PRDM16: variants seen among roughly 807,000 people sequenced by gnomAD.
PRDM16 encodes PR/SET domain 16.
PRDM16 carries 23 observed loss-of-function variants against 110.6 expected under a neutral mutation model. That is an observed-to-expected ratio of 0.21 (90% CI 0.15 to 0.29). The LOEUF (loss-of-function observed/expected upper bound fraction) is 0.29, where lower values mean the gene tolerates loss of function less well. Ranked by LOEUF, PRDM16 falls within the 10% of genes least tolerant of loss-of-function variation. The pLI is 1.00. For synonymous variants in PRDM16, 799 were observed against 781.8 expected, an observed-to-expected ratio of 1.02 and a Z score of -0.37; for missense variants, 1,615 against 1,794.3, an observed-to-expected ratio of 0.90 and a Z score of 1.81.
chr1:3,342,095 C>G (rs1642284409), intron 3 of PRDM16, among the ~76,000 whole-genome samples: 1 of 152,164 alleles, frequency 6.6e-6, no homozygotes, highest in Non-Finnish European at 1.5e-5. Context: ...GCTAGGGAAA[C>G]CCAGGGTGCA....
intron 1 of PRDM16, among the ~76,000 whole-genome samples, chr1:3,152,475 G>T (rs899536301): frequency 2.6e-5 from 4 of 152,036 alleles, no homozygotes; most frequent in African/African-American, 9.7e-5. Flanking sequence ...CTACTCTCTG[G>T]CTCCTGAATC....
intron 15 of PRDM16, 121 bp from the exon 16 acceptor site, chr1:3,431,845 T>C (rs982560748): frequency 3.2e-6 from 3 of 942,962 alleles, no homozygotes; most frequent in African/African-American, 3.3e-5. Flanking sequence ...TCCCTGTGCA[T>C]GTGGCTGGCA....
At chr1:3,110,323 G>A (rs1338144954) in intron 1 of PRDM16, among the ~76,000 whole-genome samples, 2 of 148,334 alleles carry the variant, frequency 1.3e-5, no homozygotes, top group Non-Finnish European at 3.0e-5. Context: ...TGGGTGTGGG[G>A]ACACAGTGCT....
chr1:3,320,125 G>A (rs1164016168), intron 3 of PRDM16, among the ~76,000 whole-genome samples: 5 of 152,132 alleles, frequency 3.3e-5, no homozygotes, highest in Non-Finnish European at 5.9e-5. Flanking sequence ...GTACACCTAC[G>A]CCTGCCCTCT....
Position 3,277,812 on chromosome 1 carries a change from C to T in PRDM16, c.438+33675C>T, listed in dbSNP as rs1378756090. On this transcript the variant is annotated intron_variant, in intron 3 of 16. Coordinates refer to ENST00000270722, the MANE Select transcript of PRDM16 (RefSeq NM_022114.4). ...GCACACACAAACGCACAGTTGTGAA[C>T]ACGAGCATATGCACATGCACACACG... 3.9e-5 allele frequency among the ~76,000 whole-genome samples: 6 copies of T among 152,364 alleles called. No homozygotes were observed. The East Asian group carries it at 7.7e-4, about 20-fold the overall frequency.
rs1283105889 is a variant in PRDM16 at position 3,414,542 on chromosome 1, C to T, written c.2604-18C>T. 6.2e-7 allele frequency: 1 copy of T among 1,604,534 alleles called. No homozygotes were observed. Among genetic ancestry groups the T allele is most frequent in the South Asian group, 1.1e-5 (1 of 90,518 alleles). ...GGGCGGCTCGGTGGGGTACGTAACCCTCTGTGCTGTTGTCCAGCAGGGTAG... is the reference window on the plus strand; with the variant it reads ...GGGCGGCTCGGTGGGGTACGTAACCTTCTGTGCTGTTGTCCAGCAGGGTAG... On this transcript the variant is annotated intron_variant, in intron 9 of 16. Coordinates refer to ENST00000270722, the MANE Select transcript of PRDM16 (RefSeq NM_022114.4).
rs537857254 is a variant in PRDM16, at chr1:3,290,976, G to A, written c.438+46839G>A. Among the ~76,000 whole-genome samples, 17 of 152,150 alleles carry A rather than the reference G, an allele frequency of 1.1e-4. No individual in the cohort carries two copies. Among genetic ancestry groups the A allele is most frequent in the African/African-American group, 3.6e-4 (15 of 41,510 alleles). On this transcript the variant is annotated intron_variant, in intron 3 of 16. Transcript: ENST00000270722. This position sits in a 1 kb window ranked among gnomAD's most constrained non-coding sequence, Gnocchi z 4.8. ...AACCTTCTTACGATGTGATAGGAGC[G>A]GCTTGGCCTCCTGACTCCAGGGGCC...
Position 3,245,078 on chromosome 1 carries a change from C to A in PRDM16, c.438+941C>A, listed in dbSNP as rs951033688. Among the ~76,000 whole-genome samples, 4 of 152,092 alleles carry A rather than the reference C, an allele frequency of 2.6e-5. No individual in the cohort carries two copies. The East Asian group carries it at 7.8e-4, about 30-fold the overall frequency. ...CAGCATCGCAGGGGGCGGGGTGGGG[C>A]GGGGTGCACCATGGGGGTTGCTGGC... On this transcript the variant is annotated intron_variant, in intron 3 of 16. Coordinates refer to ENST00000270722, the MANE Select transcript of PRDM16 (RefSeq NM_022114.4). The surrounding 1 kb of genome is among the most constrained non-coding windows in gnomAD (Gnocchi z 4.7).
At chr1:3,330,311 A>C (rs1282895233) in intron 3 of PRDM16, among the ~76,000 whole-genome samples, 1 of 152,250 alleles carries the variant, frequency 6.6e-6, no homozygotes, top group Non-Finnish European at 1.5e-5. Flanking sequence ...AGAAACTGAA[A>C]TTGGAAATTG....
intron 1 of PRDM16, among the ~76,000 whole-genome samples, chr1:3,072,164 G>T (rs973121045): frequency 2.0e-5 from 3 of 152,220 alleles, no homozygotes; most frequent in Admixed American, 2.0e-4. Context: ...TAGGGCCGGT[G>T]GGGTAGGGGC....
chr1:3,095,093 G>A (rs1642366451), intron 1 of PRDM16, among the ~76,000 whole-genome samples: 1 of 152,224 alleles, frequency 6.6e-6, no homozygotes, highest in African/African-American at 2.4e-5. Context: ...ACTGGCCCAG[G>A]CGAGCAGCCA....
chr1:3,293,867 G>A (rs1324643035), intron 3 of PRDM16, among the ~76,000 whole-genome samples: 2 of 152,194 alleles, frequency 1.3e-5, no homozygotes, highest in Non-Finnish European at 2.9e-5. Context: ...GCCCGGCCCC[G>A]GCAGGTGTCT....
At chr1:3,135,676 C>T (rs1356990834) in intron 1 of PRDM16, among the ~76,000 whole-genome samples, 4 of 152,242 alleles carry the variant, frequency 2.6e-5, no homozygotes, top group Admixed American at 1.3e-4. Flanking sequence ...AGCTTCCGGG[C>T]ACTGGCATTG....
intron 3 of PRDM16, among the ~76,000 whole-genome samples, chr1:3,328,135 GGGAACTAGCC>G (rs1641958469): frequency 6.6e-6 from 1 of 152,236 alleles, no homozygotes; most frequent in Non-Finnish European, 1.5e-5. Flanking sequence ...GGGCCAAGTG[GGGAACTAGCC>G]AGGCCTGCGA....
intron 1 of PRDM16, among the ~76,000 whole-genome samples, chr1:3,180,978 A>C (rs1013398488): frequency 1.5e-5 from 2 of 136,614 alleles, no homozygotes; most frequent in East Asian, 3.9e-4. Flanking sequence ...TCGGTCTTAC[A>C]CACGCAGTCT....
Position 3,069,792 on chromosome 1 carries a change from C to CT in PRDM16, c.37+499dup, listed in dbSNP as rs1305056505. Among the ~76,000 whole-genome samples the CT allele has an allele frequency of 6.6e-6, 1 of 152,038 alleles. No individual in the cohort carries two copies. The highest frequency in any genetic ancestry group is 1.5e-5 in the Non-Finnish European group (1 of 67,982). On this transcript the variant is annotated intron_variant, in intron 1 of 16. Transcript: ENST00000270722. The surrounding 1 kb of genome is among the most constrained non-coding windows in gnomAD (Gnocchi z 6.1). The stretch of plus-strand genomic sequence containing the variant: ...GAAATAGTGGGCGCTAGAGCACCGC[C>CT]TTTGGCGTCCGCCAGCCGGGCGCAG...
At chr1:3,408,749 T>G (rs553602286) in intron 8 of PRDM16, among the ~76,000 whole-genome samples, 1 of 140,336 alleles carries the variant, frequency 7.1e-6, no homozygotes, top group Non-Finnish European at 1.5e-5. Flanking sequence ...CCGGTGCATG[T>G]GTTGGCACAC....
chr1:3,181,110 G>GCGGCCTTACACACCCGGTCTTACACA (rs1557507968), intron 1 of PRDM16, among the ~76,000 whole-genome samples: 4 of 76,260 alleles, frequency 5.2e-5, no homozygotes, highest in African/African-American at 2.0e-4. Context: ...AGTCTTACAC[G>GCGGCCTTACACACCCGGTCTTACACA]CGGCCTTACA....
chr1:3,232,513 G>A (rs140402648), intron 2 of PRDM16, among the ~76,000 whole-genome samples: 59 of 152,270 alleles, frequency 3.9e-4, no homozygotes, highest in African/African-American at 1.3e-3. Flanking sequence ...GGAAACAATT[G>A]TACTTCTGGC....
Sources: gnomAD v4.1 joint callset for allele counts (sites outside exome capture counted in the v4.1 genomes callset) on GRCh38, gnomAD v4.1.1 for gene constraint, Gnocchi (gnomAD v3.1) non-coding constraint, MANE v1.5 for transcripts, NCBI Gene and HGNC (gene_info 2026-07-23, HGNC 2026-07-21) for gene names.